Variants in POU6F2 observed in about 807,000 individuals in gnomAD.
POU6F2 encodes the protein POU class 6 homeobox 2, also known as POU domain, class 6, transcription factor 2.
In POU6F2, 31 loss-of-function variants were observed where a neutral mutation model predicts 71.3. The ratio of observed to expected loss-of-function variants is 0.43; its 90% confidence interval spans 0.33 to 0.59. The LOEUF is 0.59. POU6F2 is among the 20% of genes least tolerant of loss of function. The pLI is 0.04. For synonymous variants in POU6F2, 347 were observed against 355.7 expected, an observed-to-expected ratio of 0.98 and a Z score of 0.27; for missense variants, 783 against 856.8, an observed-to-expected ratio of 0.91 and a Z score of 1.07.
chr7:39,447,590 A>G (rs1198090239), intron 7 of POU6F2, among the ~76,000 whole-genome samples: 2 of 152,214 alleles, frequency 1.3e-5, no homozygotes, highest in Non-Finnish European at 2.9e-5. Context: ...TTTAAATAAT[A>G]TACACAAAAA....
intron 1 of POU6F2, among the ~76,000 whole-genome samples, chr7:38,979,177 G>T (rs1788252167): frequency 6.9e-6 from 1 of 145,420 alleles, no homozygotes; most frequent in Admixed American, 7.0e-5. Flanking sequence ...CCAGACTATG[G>T]TCACGAATAT....
chr7:39,286,420 C>T (rs975124381), intron 4 of POU6F2, among the ~76,000 whole-genome samples: 1 of 152,162 alleles, frequency 6.6e-6, no homozygotes, highest in African/African-American at 2.4e-5. Context: ...GAAACCACAG[C>T]ATGGTTTAAT....
rs375034381 is a variant in POU6F2 at position 39,012,837 on chromosome 7, A to G, written c.105+34779A>G. ...GGGGTGCCTCCCAGTTAGGCTGCTC[A>G]GGGGTCAGGGGTCAGGGACCCACTT... On this transcript the variant is annotated intron_variant, in intron 1 of 9. Coordinates refer to ENST00000518318, the MANE Select transcript of POU6F2 (RefSeq NM_001370959.1). Among the ~76,000 whole-genome samples the G allele has an allele frequency of 7.5e-3, 1,145 of 151,778 alleles. 3 individuals carry two copies. Among genetic ancestry groups the G allele is most frequent in the Middle Eastern group, 0.031 (9 of 292 alleles).
At chr7:39,415,616 G>A (rs763994172) in intron 6 of POU6F2, among the ~76,000 whole-genome samples, 2 of 152,162 alleles carry the variant, frequency 1.3e-5, no homozygotes, top group East Asian at 1.9e-4. Context: ...ATACTGTAAC[G>A]AATGTTCACA....
chr7:39,114,482 C>T (rs1039883463), intron 2 of POU6F2, among the ~76,000 whole-genome samples: 3 of 152,084 alleles, frequency 2.0e-5, no homozygotes, highest in African/African-American at 7.2e-5. Context: ...AGCAATATTC[C>T]ATATTTCTTA....
chr7:39,320,731 T>C (rs936434526), intron 4 of POU6F2, among the ~76,000 whole-genome samples: 1 of 152,202 alleles, frequency 6.6e-6, no homozygotes, highest in Non-Finnish European at 1.5e-5. Flanking sequence ...GTTTAACTTA[T>C]AAATTAGGCA....
At chr7:39,443,891 A>G (rs1274619724) in intron 7 of POU6F2, among the ~76,000 whole-genome samples, 1 of 152,222 alleles carries the variant, frequency 6.6e-6, no homozygotes, top group East Asian at 1.9e-4. Context: ...TGATCTCACA[A>G]GAGCATAGTT....
chr7:39,419,085 GTATA>G (rs202136615), intron 6 of POU6F2, among the ~76,000 whole-genome samples: 1 of 135,854 alleles, frequency 7.4e-6, no homozygotes, highest in African/African-American at 2.8e-5. Flanking sequence ...ACATATATAC[GTATA>G]TGTGTATATA....
chr7:38,990,545 T>C (rs1382050228), intron 1 of POU6F2, among the ~76,000 whole-genome samples: 1 of 152,200 alleles, frequency 6.6e-6, no homozygotes, highest in Admixed American at 6.5e-5. Flanking sequence ...GATATATGGT[T>C]AGAAAACAAA....
At chr7:39,364,589 C>A (rs1162634867) in intron 5 of POU6F2, among the ~76,000 whole-genome samples, 1 of 152,134 alleles carries the variant, frequency 6.6e-6, no homozygotes, top group Non-Finnish European at 1.5e-5. Flanking sequence ...CTGCAAATGC[C>A]ATTAATTCTT....
Position 39,207,631 on chromosome 7 carries a change from A to G in POU6F2, c.598+11A>G, listed in dbSNP as rs1794048201. 2.5e-6 allele frequency: 4 copies of G among 1,609,982 alleles called. No individual in the cohort carries two copies. The Admixed American group carries it at 6.7e-5, about 27-fold the overall frequency. ...TGCAAAATCTACAAGGTAATCCATA[A>G]TGTCCATGCGCCACGTAAGGCTCTA... On this transcript the variant is annotated intron_variant, in intron 4 of 9. Transcript: ENST00000518318.
chr7:39,181,924 T>C (rs2128741563), intron 2 of POU6F2, among the ~76,000 whole-genome samples: 1 of 152,356 alleles, frequency 6.6e-6, no homozygotes, highest in Non-Finnish European at 1.5e-5. Flanking sequence ...TTCAGAAGCT[T>C]ATTCCATCAG....
intron 1 of POU6F2, among the ~76,000 whole-genome samples, chr7:39,071,573 G>A (rs1423356437): frequency 6.6e-6 from 1 of 151,414 alleles, no homozygotes; most frequent in Non-Finnish European, 1.5e-5. Flanking sequence ...CAGCACTTTG[G>A]GAAGCTGAGG....
chr7:39,167,081 C>A (rs1793128942), intron 2 of POU6F2, among the ~76,000 whole-genome samples: 1 of 152,100 alleles, frequency 6.6e-6, no homozygotes, highest in Non-Finnish European at 1.5e-5. Context: ...GATTTAAATT[C>A]TTTAGTACTT....
In POU6F2 at chr7:39,277,778, G is replaced by A. The variant is rs554564645; in HGVS notation, c.599-61864G>A. 3.0e-4 allele frequency among the ~76,000 whole-genome samples: 45 copies of A among 152,218 alleles called. No homozygotes were observed. In the South Asian group the frequency reaches 9.3e-3, roughly 32 times the overall value. The stretch of plus-strand genomic sequence containing the variant: ...GCTGCCCTATAGAAAAAGGTCGGGG[G>A]CCAGGAGCGGTGGCTCACACCTGTA... On this transcript the variant is annotated intron_variant, in intron 4 of 9. Transcript: ENST00000518318.
At chr7:39,125,744 T>TA (rs11305567) in intron 2 of POU6F2, among the ~76,000 whole-genome samples, 14 of 151,696 alleles carry the variant, frequency 9.2e-5, no homozygotes, top group Admixed American at 3.9e-4. Context: ...ATACATTTGT[T>TA]AAAAAAAAAT....
intron 5 of POU6F2, among the ~76,000 whole-genome samples, chr7:39,384,718 G>C (rs899560131): frequency 5.9e-5 from 9 of 152,104 alleles, no homozygotes; most frequent in African/African-American, 2.2e-4. Context: ...CCACACAATT[G>C]AAAGTATCTT....
chr7:39,217,718 T>C (rs952257213), intron 4 of POU6F2, among the ~76,000 whole-genome samples: 1 of 152,180 alleles, frequency 6.6e-6, no homozygotes, highest in East Asian at 1.9e-4. Context: ...AAAGAAGTTA[T>C]GAAAAGTAGT....
chr7:39,320,327 G>A lies in POU6F2; in HGVS notation c.599-19315G>A, dbSNP rs936989181. 6.6e-5 allele frequency among the ~76,000 whole-genome samples: 10 copies of A among 152,158 alleles called. No individual in the cohort carries two copies. In the East Asian group the frequency reaches 9.6e-4, roughly 15 times the overall value. ...TTTCAGGGACAGATGCCCTTCACCC[G>A]GACCTGTAGCCTGGTCCCCCGCAGA... On this transcript the variant is annotated intron_variant, in intron 4 of 9. Transcript: ENST00000518318.
Sources: allele counts gnomAD v4.1 joint callset (sites outside exome capture counted in the v4.1 genomes callset), GRCh38; gene constraint gnomAD v4.1.1; transcripts MANE v1.5; gene names NCBI Gene and HGNC (gene_info 2026-07-23, HGNC 2026-07-21).